Variants in ARHGEF10L observed in about 807,000 individuals in gnomAD.
ARHGEF10L encodes the protein rho guanine nucleotide exchange factor 10-like protein.
In ARHGEF10L, 69 loss-of-function variants were observed where a neutral mutation model predicts 141.2. The observed-to-expected ratio is 0.49, with a 90% confidence interval of 0.40 to 0.60. ARHGEF10L has a LOEUF of 0.60. Ranked by LOEUF, ARHGEF10L falls within the 20% of genes least tolerant of loss-of-function variation. The probability of loss-of-function intolerance (pLI) is 0.00; values close to 1 mark genes in which losing one functional copy is unlikely to be tolerated. For missense variants in ARHGEF10L, 1,482 were observed against 1,734.3 expected, an observed-to-expected ratio of 0.85 and a Z score of 2.58; for synonymous variants, 711 against 718.5, an observed-to-expected ratio of 0.99 and a Z score of 0.17.
chr1:17,595,167 A>G (rs2079953319), intron 4 of ARHGEF10L, among the ~76,000 whole-genome samples: 1 of 149,624 alleles, frequency 6.7e-6, no homozygotes, highest in Non-Finnish European at 1.5e-5. Flanking sequence ...GCAAGTATGC[A>G]TGATTGTTTT....
chr1:17,533,490 A>G, the ARHGEF10L span, among the ~76,000 whole-genome samples: 1 of 152,122 alleles, frequency 6.6e-6, no homozygotes. Flanking sequence ...TTTTGACACT[A>G]CATTCCCCAG....
At position 17,573,142 on chromosome 1, in the gene ARHGEF10L, G is replaced by A. The variant is rs75835322; in HGVS notation, c.-43-7411G>A. 6.6e-6 allele frequency among the ~76,000 whole-genome samples: 1 copy of A among 152,134 alleles called. No individual in the cohort carries two copies. The highest frequency in any genetic ancestry group is 1.5e-5 in the Non-Finnish European group (1 of 68,022). ...TGCCTCATCCTCCTGGGGGGCTTTG[G>A]GTAGGTCCCTTCCCATCTGAGCCTC... On this transcript the variant is annotated intron_variant, in intron 1 of 28. Coordinates refer to ENST00000361221, the MANE Select transcript of ARHGEF10L (RefSeq NM_018125.4). This position sits in a 1 kb window ranked among gnomAD's most constrained non-coding sequence, Gnocchi z 4.8.
chr1:17,605,979 A>T (rs2081137187), intron 6 of ARHGEF10L, among the ~76,000 whole-genome samples: 1 of 152,130 alleles, frequency 6.6e-6, no homozygotes, highest in Non-Finnish European at 1.5e-5. Context: ...AAGCTTTGGC[A>T]CATCTGTTTT....
Position 17,607,951 on chromosome 1 carries a change from A to G in ARHGEF10L, c.583A>G (p.Lys195Glu). The G allele has an allele frequency of 2.7e-6, 4 of 1,491,824 alleles. No individual in the cohort carries two copies. Among genetic ancestry groups the G allele is most frequent in the Non-Finnish European group, 2.7e-6 (3 of 1,120,500 alleles). The allele number at this position is 1,491,824 out of a possible 1,614,324, so 92.4% of individuals were successfully genotyped here. ...GCCGGAGGTCGAGGTCGAGCCCGCC[A>G]AGCACCGAGTGTCCTTCCAGCCCAA... Reference protein sequence around the residue: ...AKPEVEVEPAKHRVSFQPKLS... With the variant: ...AKPEVEVEPAEHRVSFQPKLS... The change falls in exon 7 of 29, where the codon AAG becomes GAG. Residue 195 changes from lysine (K) to glutamate (E), a missense_variant. Coordinates refer to ENST00000361221, the MANE Select transcript of ARHGEF10L (RefSeq NM_018125.4). The surrounding 1 kb of genome is among the most constrained non-coding windows in gnomAD (Gnocchi z 4.5).
the ARHGEF10L span, among the ~76,000 whole-genome samples, chr1:17,531,406 C>G: frequency 6.6e-6 from 1 of 152,172 alleles, no homozygotes. Context: ...GAGCTTAACC[C>G]CTTGAGTTCT....
chr1:17,524,208 G>T, the ARHGEF10L span, among the ~76,000 whole-genome samples: 7 of 152,186 alleles, frequency 4.6e-5, no homozygotes, highest in South Asian at 8.3e-4. Context: ...GGGAGGTGGA[G>T]GTTGCAGTGA....
intron 9 of ARHGEF10L, among the ~76,000 whole-genome samples, chr1:17,617,393 A>G (rs2059868184): frequency 6.6e-6 from 1 of 152,142 alleles, no homozygotes; most frequent in African/African-American, 2.4e-5. Flanking sequence ...CCTGGTCCCC[A>G]CCAGGCTCCA....
chr1:17,668,685 G>T (rs1293868074), intron 26 of ARHGEF10L, among the ~76,000 whole-genome samples: 1 of 152,220 alleles, frequency 6.6e-6, no homozygotes, highest in Non-Finnish European at 1.5e-5. Context: ...GCCAGAGGGA[G>T]CACACGCCCC....
intron 26 of ARHGEF10L, among the ~76,000 whole-genome samples, chr1:17,672,947 G>A (rs61764911): frequency 0.074 from 11,236 of 152,158 alleles, 549 homozygotes; most frequent in Non-Finnish European, 0.11. Flanking sequence ...CAGGCCTCCA[G>A]GCCCCTCTCT....
At position 17,648,661 on chromosome 1, in the gene ARHGEF10L, G is replaced by C. The variant is rs200537930; in HGVS notation, c.2380G>C (p.Ala794Pro). 6.2e-7 allele frequency: 1 copy of C among 1,612,648 alleles called. No homozygotes were observed. The highest frequency in any genetic ancestry group is 1.7e-5 in the Admixed American group (1 of 60,022). ...ACCIPAFSSR[A>P]LSLQLGALVH... ...CTGCATCCCTGCCTTCTCCTCCCGGGCACTCAGCCTGCAGGTGAGTGGAGC... is the reference window on the plus strand; with the variant it reads ...CTGCATCCCTGCCTTCTCCTCCCGGCCACTCAGCCTGCAGGTGAGTGGAGC... The change falls in exon 22 of 29, where the codon GCA (alanine) becomes CCA (proline). Residue 794 changes from alanine to proline, a missense_variant. Ala to Pro is a conservative substitution (Grantham distance 27). Around this residue, in one of 3 missense-constraint regions of ARHGEF10L, gnomAD observed 858 missense variants for 966.3 expected, o/e 0.89. Coordinates refer to ENST00000361221, the MANE Select transcript of ARHGEF10L (RefSeq NM_018125.4).
At chr1:17,548,645 T>TA (rs2076998044) in intron 1 of ARHGEF10L, among the ~76,000 whole-genome samples, 1 of 148,284 alleles carries the variant, frequency 6.7e-6, no homozygotes, top group African/African-American at 2.5e-5. Context: ...TCAAAATAAT[T>TA]CTTTTTTTTT....
intron 1 of ARHGEF10L, among the ~76,000 whole-genome samples, chr1:17,557,164 G>A (rs1374226011): frequency 6.6e-6 from 1 of 151,878 alleles, no homozygotes; most frequent in Non-Finnish European, 1.5e-5. Context: ...GCAACATGGT[G>A]AAACCTTGTC....
intron 1 of ARHGEF10L, among the ~76,000 whole-genome samples, chr1:17,572,677 G>A (rs2078053076): frequency 6.6e-6 from 1 of 152,218 alleles, no homozygotes; most frequent in Admixed American, 6.5e-5. Context: ...TGTGGCTGCT[G>A]CCTGAGGACA....
intron 26 of ARHGEF10L, among the ~76,000 whole-genome samples, chr1:17,671,005 C>T (rs530960762): frequency 3.3e-5 from 5 of 152,386 alleles, no homozygotes; most frequent in South Asian, 2.1e-4. Flanking sequence ...GCACATCACC[C>T]GGCTTTATTG....
chr1:17,601,437 T>G (rs1002325905), intron 4 of ARHGEF10L, among the ~76,000 whole-genome samples: 2 of 152,188 alleles, frequency 1.3e-5, no homozygotes, highest in African/African-American at 4.8e-5. Context: ...TTTGAAGCTT[T>G]GCAAGTCTTG....
intron 1 of ARHGEF10L, among the ~76,000 whole-genome samples, chr1:17,563,624 T>A (rs1454246256): frequency 6.6e-6 from 1 of 152,146 alleles, no homozygotes; most frequent in Non-Finnish European, 1.5e-5. Flanking sequence ...GTGGGTTGAA[T>A]GAATGAATGG....
At chr1:17,557,249 A>G (rs934484099) in intron 1 of ARHGEF10L, among the ~76,000 whole-genome samples, 7 of 151,400 alleles carry the variant, frequency 4.6e-5, no homozygotes, top group African/African-American at 1.7e-4. Flanking sequence ...AGGCTGAGGC[A>G]GGAGAATTGC....
At chr1:17,586,758 C>T (rs1232287915) in intron 2 of ARHGEF10L, among the ~76,000 whole-genome samples, 2 of 152,116 alleles carry the variant, frequency 1.3e-5, no homozygotes, top group Non-Finnish European at 1.5e-5. Flanking sequence ...GGAGAGGCCA[C>T]ACCTCCTGTA....
At chr1:17,618,262 A>ACCCCCC in intron 9 of ARHGEF10L, 1 of 684,254 alleles carries the variant, frequency 1.5e-6, no homozygotes, top group Non-Finnish European at 2.2e-6. Flanking sequence ...AGCCCTCCCC[A>ACCCCCC]CCCCGCCCAC....
Sources: allele counts gnomAD v4.1 joint callset (sites outside exome capture counted in the v4.1 genomes callset), GRCh38; gene constraint gnomAD v4.1.1; regional missense constraint gnomAD v4.1.1; non-coding constraint Gnocchi (gnomAD v3.1); transcripts MANE v1.5; gene names NCBI Gene and HGNC (gene_info 2026-07-23, HGNC 2026-07-21).